SLCO1C1: variants seen among roughly 807,000 people sequenced by gnomAD.
The protein encoded by SLCO1C1 is solute carrier organic anion transporter family member 1C1.
SLCO1C1 carries 70 observed loss-of-function variants against 76.4 expected under a neutral mutation model. The observed-to-expected ratio is 0.92, with a 90% confidence interval of 0.76 to 1.12. The LOEUF (loss-of-function observed/expected upper bound fraction) is 1.12, where lower values mean the gene tolerates loss of function less well. SLCO1C1 is among the 50% of genes most tolerant of loss of function. The pLI is 0.00. For synonymous variants in SLCO1C1, 306 were observed against 286.1 expected (o/e 1.07, Z -0.70); for missense variants, 912 against 823.8 (o/e 1.11, Z -1.31).
chr12:20,737,122 T>C lies in SLCO1C1; in HGVS notation c.1398T>C (p.Ser466=), dbSNP rs375196789. 6 of 1,531,228 alleles carry C rather than the reference T, an allele frequency of 3.9e-6. No individual in the cohort carries two copies. The East Asian group carries it at 7.6e-5, about 19-fold the overall frequency. The allele number at this position is 1,531,228 out of a possible 1,614,324, so 94.9% of individuals were successfully genotyped here. Residue 466 remains serine, a synonymous_variant, in exon 11 of 15, where the codon TCT becomes TCC. Coordinates refer to ENST00000266509, the MANE Select transcript of SLCO1C1 (RefSeq NM_017435.5). ...TTCTTTTCAGAACCAAACCTGTCTC[T>C]TATCATGAACGAGCTCTCTTTTCAG... The part of the protein sequence containing the change: ...TVSYQGTKPV[S]YHERALFSDC...
intron 14 of SLCO1C1, among the ~76,000 whole-genome samples, chr12:20,751,073 A>G (rs1949282408): frequency 6.6e-6 from 1 of 152,172 alleles, no homozygotes; most frequent in Admixed American, 6.5e-5. Context: ...AAGTTTATGC[A>G]CACAAATGGG....
chr12:20,730,481 C>T (rs1417070520), intron 9 of SLCO1C1, among the ~76,000 whole-genome samples: 5 of 152,020 alleles, frequency 3.3e-5, no homozygotes, highest in Non-Finnish European at 5.9e-5. Flanking sequence ...AAGTTGGGTC[C>T]TAAATAACTG....
At chr12:20,750,212 C>T (rs1255483759) in intron 13 of SLCO1C1, among the ~76,000 whole-genome samples, 1 of 152,076 alleles carries the variant, frequency 6.6e-6, no homozygotes, top group East Asian at 1.9e-4. Flanking sequence ...TTGGCTGTTG[C>T]TTTAAGTTAG....
At chr12:20,699,482 T>A in intron 1 of SLCO1C1, 70 bp from the exon 2 acceptor site, 1 of 1,284,242 alleles carries the variant, frequency 7.8e-7, no homozygotes. Flanking sequence ...TGTGGTATAC[T>A]GTTGAATAAA....
chr12:20,711,588 G>A (rs1012472477), intron 5 of SLCO1C1, 78 bp downstream of exon 5: 2 of 1,488,062 alleles, frequency 1.3e-6, no homozygotes, highest in East Asian at 4.6e-5. Context: ...GGACAAAAGT[G>A]TCTATGATTT....
rs776549642 is a variant in SLCO1C1 at position 20,752,493 on chromosome 12, C to T, written c.2104C>T (p.Pro702Ser). The T allele has an allele frequency of 1.2e-6, 2 of 1,603,626 alleles. No homozygotes were observed. The highest frequency in any genetic ancestry group is 1.3e-5 in the African/African-American group (1 of 74,750). The change falls in exon 15 of 15, where the codon CCC becomes TCC. Residue 702 changes from proline to serine, a missense_variant. By Grantham distance (74) the Pro-to-Ser change is moderately conservative (BLOSUM62 -1). Transcript: ENST00000266509. The stretch of plus-strand genomic sequence containing the variant: ...CACTACAAGTGATCATCTGCTACAA[C>T]CCAACTACTGGCCAGGCAAGGAAAC... ...NYTTSDHLLQ[P>S]NYWPGKETQL
At chr12:20,723,369 A>G (rs1379761790) in intron 9 of SLCO1C1, 115 bp downstream of exon 9, 6 of 1,256,238 alleles carry the variant, frequency 4.8e-6, no homozygotes, top group East Asian at 2.5e-5. Flanking sequence ...GACATTTTAG[A>G]TGAGCTCAAA....
intron 14 of SLCO1C1, 37 bp downstream of exon 14, chr12:20,750,829 C>T (rs1437601632): frequency 1.9e-6 from 3 of 1,613,924 alleles, no homozygotes; most frequent in African/African-American, 1.3e-5. Flanking sequence ...CTCATTGCTA[C>T]AGCATCCCAG....
At chr12:20,725,068 ATAT>A (rs879702712) in intron 9 of SLCO1C1, among the ~76,000 whole-genome samples, 9 of 132,384 alleles carry the variant, frequency 6.8e-5, no homozygotes, top group African/African-American at 1.6e-4. Flanking sequence ...TATATTATAT[ATAT>A]TATAATAAAT....
At chr12:20,715,358 C>G (rs564657749) in intron 6 of SLCO1C1, 73 bp downstream of exon 6, 39 of 1,533,302 alleles carry the variant, frequency 2.5e-5, no homozygotes, top group Non-Finnish European at 3.5e-5. Context: ...CCCCTCTATG[C>G]TAAATTAAGT....
chr12:20,709,915 AAAAAAAAAAAG>A, intron 4 of SLCO1C1, among the ~76,000 whole-genome samples: 2 of 14,950 alleles, frequency 1.3e-4, no homozygotes, highest in African/African-American at 3.6e-4. Flanking sequence ...AAAAAAAAAA[AAAAAAAAAAAG>A]AATTGAAAAC....
At chr12:20,715,330 T>A in intron 6 of SLCO1C1, 45 bp downstream of exon 6, 1 of 1,601,562 alleles carries the variant, frequency 6.2e-7, no homozygotes, top group Non-Finnish European at 8.5e-7. Flanking sequence ...GGAAGCAGGG[T>A]GTCTAGTTTT....
intron 13 of SLCO1C1, among the ~76,000 whole-genome samples, chr12:20,748,473 G>A (rs1319899447): frequency 6.6e-6 from 1 of 152,132 alleles, no homozygotes; most frequent in Non-Finnish European, 1.5e-5. Context: ...ATATAGACTT[G>A]TCCTATATAA....
chr12:20,748,861 T>C (rs1949168231), intron 13 of SLCO1C1, among the ~76,000 whole-genome samples: 1 of 152,170 alleles, frequency 6.6e-6, no homozygotes. Context: ...AAGCACATCA[T>C]TTCAGTTTAT....
chr12:20,703,432 T>C (rs989431843), intron 3 of SLCO1C1, among the ~76,000 whole-genome samples: 1 of 151,722 alleles, frequency 6.6e-6, no homozygotes, highest in Non-Finnish European at 1.5e-5. Context: ...TATTACCTTA[T>C]TACATTAGCC....
intron 9 of SLCO1C1, among the ~76,000 whole-genome samples, chr12:20,724,447 ATATATGTG>A (rs1947851948): frequency 3.1e-5 from 3 of 96,590 alleles, no homozygotes; most frequent in African/African-American, 8.5e-5. Flanking sequence ...ATATATATAT[ATATATGTG>A]TGTGTGTGTG....
Position 20,717,326 on chromosome 12 carries a change from AATG to A in SLCO1C1, c.775+100_775+102del. The A allele has an allele frequency of 3.2e-6, 3 of 943,008 alleles. No homozygotes were observed. In the South Asian group the frequency reaches 5.2e-5, roughly 16 times the overall value. 58.4% of individuals were successfully genotyped at this position (943,008 alleles called of 1,614,324 possible). A position where few individuals can be genotyped will look rare whatever the true frequency, so the allele number is the denominator to read the frequency against. On this transcript the variant is annotated intron_variant, in intron 7 of 14. Coordinates refer to ENST00000266509, the MANE Select transcript of SLCO1C1 (RefSeq NM_017435.5). ...AAATTATCAAATTGCCTTTTTATAA[AATG>A]ATGGAGTTGTAATCTTTCATAAACT...
intron 12 of SLCO1C1, among the ~76,000 whole-genome samples, chr12:20,742,825 G>A (rs950113179): frequency 1.3e-5 from 2 of 151,824 alleles, no homozygotes; most frequent in Admixed American, 6.6e-5. Context: ...GTGAGCCACC[G>A]CGCCTGGCCT....
In SLCO1C1 at chr12:20,701,478, T is replaced by C. The variant is rs1353617161; in HGVS notation, c.271+19T>C. 2 of 1,440,560 alleles carry C rather than the reference T, an allele frequency of 1.4e-6. No homozygotes were observed. The highest frequency in any genetic ancestry group is 1.9e-6 in the Non-Finnish European group (2 of 1,077,072). 89.2% of individuals were successfully genotyped at this position (1,440,560 alleles called of 1,614,324 possible). ...GAAATTGGTAGGTATTACAGATGCC[T>C]GACTTTAATTTTAAGCCCAAGATCT... On this transcript the variant is annotated intron_variant, in intron 3 of 14. Transcript: ENST00000266509.
Sources: gnomAD v4.1 joint callset for allele counts (sites outside exome capture counted in the v4.1 genomes callset) on GRCh38, gnomAD v4.1.1 for gene constraint, MANE v1.5 for transcripts, NCBI Gene and HGNC (gene_info 2026-07-23, HGNC 2026-07-21) for gene names.